SLC24A2: variants seen among roughly 807,000 people sequenced by gnomAD.
SLC24A2 encodes sodium/potassium/calcium exchanger 2.
A neutral mutation model predicts 62.0 loss-of-function variants in SLC24A2; 36 were observed. The observed-to-expected ratio is 0.58, with a 90% CI of 0.44 to 0.77. The LOEUF is 0.77. Ranked by LOEUF, SLC24A2 falls within the 30% of genes least tolerant of loss-of-function variation. SLC24A2 has a pLI of 0.00. For synonymous variants in SLC24A2, 358 were observed against 294.0 expected, an observed-to-expected ratio of 1.22 and a Z score of -2.23; for missense variants, 846 against 817.9, an observed-to-expected ratio of 1.03 and a Z score of -0.42.
intron 2 of SLC24A2, among the ~76,000 whole-genome samples, chr9:19,657,296 T>G (rs962703458): frequency 2.0e-5 from 3 of 152,204 alleles, no homozygotes; most frequent in Non-Finnish European, 4.4e-5. Flanking sequence ...TGATCCTGTT[T>G]GTTGTCTTAT....
the SLC24A2 span, among the ~76,000 whole-genome samples, chr9:20,111,122 G>A: frequency 6.6e-6 from 1 of 152,172 alleles, no homozygotes; most frequent in Non-Finnish European, 1.5e-5. Flanking sequence ...GTAGCCCTGG[G>A]AAGCTGACTT....
chr9:19,740,754 A>G (rs185452003), intron 2 of SLC24A2, among the ~76,000 whole-genome samples: 1 of 152,256 alleles, frequency 6.6e-6, no homozygotes, highest in East Asian at 1.9e-4. Context: ...GGGCTAAAGA[A>G]AACATGGAGT....
intron 2 of SLC24A2, among the ~76,000 whole-genome samples, chr9:19,681,306 C>T (rs1198637813): frequency 6.9e-6 from 1 of 145,486 alleles, no homozygotes; most frequent in African/African-American, 2.5e-5. Flanking sequence ...TCAAATATCA[C>T]CTTTCTCAGG....
At chr9:19,528,629 G>A (rs1000007894) in intron 8 of SLC24A2, among the ~76,000 whole-genome samples, 3 of 152,116 alleles carry the variant, frequency 2.0e-5, no homozygotes, top group Non-Finnish European at 2.9e-5. Context: ...GGATCAGCAG[G>A]TTTAAAAATA....
chr9:20,148,388 A>G, the SLC24A2 span, among the ~76,000 whole-genome samples: 1 of 152,100 alleles, frequency 6.6e-6, no homozygotes, highest in Non-Finnish European at 1.5e-5. Flanking sequence ...CAAGTAGGTA[A>G]AACTTACCCT....
chr9:19,804,096 A>T, the SLC24A2 span, among the ~76,000 whole-genome samples: 5 of 152,130 alleles, frequency 3.3e-5, no homozygotes, highest in African/African-American at 1.2e-4. Context: ...TGTTTTGGCT[A>T]TTCAGGGTCT....
chr9:19,976,117 C>T, the SLC24A2 span, among the ~76,000 whole-genome samples: 7 of 152,110 alleles, frequency 4.6e-5, no homozygotes, highest in Non-Finnish European at 1.0e-4. Flanking sequence ...CTTTTGGCCT[C>T]AAGCCATCTT....
At chr9:19,936,295 GAC>G in the SLC24A2 span, among the ~76,000 whole-genome samples, 1 of 152,060 alleles carries the variant, frequency 6.6e-6, no homozygotes, top group Non-Finnish European at 1.5e-5. Context: ...TATTATTTGA[GAC>G]ACAGTCTCCT....
At chr9:20,199,531 T>G in the SLC24A2 span, among the ~76,000 whole-genome samples, 1 of 152,122 alleles carries the variant, frequency 6.6e-6, no homozygotes, top group East Asian at 1.9e-4. Context: ...TTTTAATCCT[T>G]TTAGAGTGGG....
chr9:19,871,959 T>C, the SLC24A2 span, among the ~76,000 whole-genome samples: 1 of 152,064 alleles, frequency 6.6e-6, no homozygotes, highest in Admixed American at 6.6e-5. Flanking sequence ...TTTTTTGTGG[T>C]CTTCTTTGGT....
chr9:20,014,247 A>T, the SLC24A2 span, among the ~76,000 whole-genome samples: 4 of 152,188 alleles, frequency 2.6e-5, no homozygotes, highest in African/African-American at 9.6e-5. Context: ...GTTGGAGTAG[A>T]TGCAGAGAAA....
At chr9:20,153,644 T>G in the SLC24A2 span, among the ~76,000 whole-genome samples, 4 of 151,904 alleles carry the variant, frequency 2.6e-5, no homozygotes, top group Non-Finnish European at 5.9e-5. Flanking sequence ...CAGGAGGAGT[T>G]TTAGGGAAGC....
chr9:19,543,142 C>T (rs1362317271), intron 8 of SLC24A2, among the ~76,000 whole-genome samples: 1 of 152,032 alleles, frequency 6.6e-6, no homozygotes, highest in Non-Finnish European at 1.5e-5. Context: ...CGACTTCTTC[C>T]TGGTTTAGTC....
At chr9:19,933,644 CAT>C in the SLC24A2 span, among the ~76,000 whole-genome samples, 8 of 152,176 alleles carry the variant, frequency 5.3e-5, no homozygotes, top group South Asian at 2.1e-4. Flanking sequence ...AAATAAAACA[CAT>C]GTCTGTTTAA....
At chr9:19,818,732 T>C in the SLC24A2 span, among the ~76,000 whole-genome samples, 7 of 152,130 alleles carry the variant, frequency 4.6e-5, no homozygotes, top group African/African-American at 1.2e-4. Flanking sequence ...CCCATGCTCA[T>C]GGACAGATGG....
chr9:19,983,500 G>A, the SLC24A2 span, among the ~76,000 whole-genome samples: 15 of 152,096 alleles, frequency 9.9e-5, no homozygotes, highest in Admixed American at 2.6e-4. Flanking sequence ...AAAATTACCC[G>A]GGCATGGTGG....
intron 7 of SLC24A2, among the ~76,000 whole-genome samples, chr9:19,558,825 G>T (rs1461258428): frequency 2.6e-5 from 4 of 152,182 alleles, no homozygotes; most frequent in Admixed American, 6.5e-5. Context: ...AAGGCGGCAT[G>T]TTTTATTTTT....
chr9:19,981,424 G>A, the SLC24A2 span, among the ~76,000 whole-genome samples: 2 of 152,100 alleles, frequency 1.3e-5, no homozygotes, highest in African/African-American at 4.8e-5. Flanking sequence ...ACAGACCTAA[G>A]CAAACACGGC....
chr9:20,286,754 T>A, the SLC24A2 span, among the ~76,000 whole-genome samples: 1 of 152,168 alleles, frequency 6.6e-6, no homozygotes, highest in African/African-American at 2.4e-5. Flanking sequence ...ATGCTATTGA[T>A]AATAATGCCA....
Sources: gnomAD v4.1 joint callset for allele counts (sites outside exome capture counted in the v4.1 genomes callset) on GRCh38, gnomAD v4.1.1 for gene constraint, MANE v1.5 for transcripts, NCBI Gene and HGNC (gene_info 2026-07-23, HGNC 2026-07-21) for gene names.